The following DLG2 variants were observed in gnomAD, a reference collection of about 807,000 sequenced individuals.
The protein encoded by DLG2 is disks large homolog 2.
In DLG2, 45 loss-of-function variants were observed where a neutral mutation model predicts 132.5. The observed-to-expected ratio is 0.34, with a 90% CI of 0.27 to 0.44. The LOEUF (loss-of-function observed/expected upper bound fraction) is 0.44. Ranked by LOEUF, DLG2 falls within the 20% of genes least tolerant of loss-of-function variation. DLG2 has a pLI of 1.00. For synonymous variants in DLG2, 424 were observed against 419.6 expected (o/e 1.01, Z -0.13); for missense variants, 1,045 against 1,196.9 (o/e 0.87, Z 1.87).
chr11:85,400,838 C>T (rs933930823), intron 3 of DLG2, among the ~76,000 whole-genome samples: 28 of 150,518 alleles, frequency 1.9e-4, no homozygotes, highest in Admixed American at 4.0e-4. Context: ...TGCTAAATGA[C>T]GAGTTAATGA....
rs79505271 is a variant in DLG2 at position 84,895,764 on chromosome 11, A to T, written c.357+215897T>A. 7.2e-3 allele frequency among the ~76,000 whole-genome samples: 1,091 copies of T among 152,252 alleles called. 15 individuals carry two copies. Among genetic ancestry groups the T allele is most frequent in the African/African-American group, 0.025 (1,049 of 41,558 alleles). ...TTGACTAATGTGAAGTTATAGTTTGAATAAGTATTTTGGTCATGTATCAAG... is the reference window on the plus strand; with the variant it reads ...TTGACTAATGTGAAGTTATAGTTTGTATAAGTATTTTGGTCATGTATCAAG... On this transcript the variant is annotated intron_variant, in intron 6 of 27. Coordinates refer to ENST00000376104, the MANE Select transcript of DLG2 (RefSeq NM_001142699.3).
chr11:85,377,803 A>ATATATGTG (rs35141583), intron 3 of DLG2, among the ~76,000 whole-genome samples: 4,403 of 131,224 alleles, frequency 0.034, 101 homozygotes, highest in Middle Eastern at 0.09. Flanking sequence ...ATATATATAT[A>ATATATGTG]TGTGTGTGTG....
chr11:85,420,790 C>G (rs567400912), intron 3 of DLG2, among the ~76,000 whole-genome samples: 115 of 152,282 alleles, frequency 7.6e-4, no homozygotes, highest in African/African-American at 2.5e-3. Context: ...CTCCCCCCAC[C>G]AAGCTCGAGC....
chr11:84,488,781 T>C (rs1254504941), intron 7 of DLG2, among the ~76,000 whole-genome samples: 1 of 152,146 alleles, frequency 6.6e-6, no homozygotes, highest in Non-Finnish European at 1.5e-5. Context: ...TCAAAAGACC[T>C]GGTAAAACTA....
intron 3 of DLG2, among the ~76,000 whole-genome samples, chr11:85,303,780 A>C (rs1195587210): frequency 6.6e-6 from 1 of 152,212 alleles, no homozygotes; most frequent in Admixed American, 6.5e-5. Context: ...CTCTGACCCC[A>C]GTTCCCTCAT....
intron 6 of DLG2, among the ~76,000 whole-genome samples, chr11:84,752,639 A>G (rs2066300163): frequency 6.8e-6 from 1 of 146,160 alleles, no homozygotes; most frequent in African/African-American, 2.6e-5. Context: ...ACATATGTAT[A>G]CATGTGCCAT....
intron 3 of DLG2, among the ~76,000 whole-genome samples, chr11:85,356,233 A>G (rs1466296359): frequency 6.6e-6 from 1 of 152,132 alleles, no homozygotes; most frequent in Non-Finnish European, 1.5e-5. Context: ...TAGTAATTCC[A>G]TATTCTTTTT....
At chr11:84,634,639 G>A (rs897376748) in intron 6 of DLG2, among the ~76,000 whole-genome samples, 20 of 152,158 alleles carry the variant, frequency 1.3e-4, no homozygotes, top group African/African-American at 9.7e-5. Context: ...ATTCTGGTTC[G>A]AGGGACTGTT....
chr11:84,327,468 T>C (rs1437569593), intron 7 of DLG2, among the ~76,000 whole-genome samples: 2 of 152,198 alleles, frequency 1.3e-5, no homozygotes, highest in African/African-American at 2.4e-5. Context: ...AATTATATAT[T>C]GATAAGGAAG....
At chr11:84,259,922 C>A (rs1047149608) in intron 7 of DLG2, among the ~76,000 whole-genome samples, 2 of 152,082 alleles carry the variant, frequency 1.3e-5, no homozygotes, top group African/African-American at 4.8e-5. Context: ...GCTTCTGCAC[C>A]CTATTAAGAT....
In DLG2 at chr11:85,233,754, T is replaced by C. The variant is rs74536758; in HGVS notation, c.186+51466A>G. Among the ~76,000 whole-genome samples the C allele has an allele frequency of 6.5e-3, 988 of 151,416 alleles. 59 individuals carry two copies. The East Asian group carries it at 0.14, about 22-fold the overall frequency. Reference sequence around the variant, plus strand: ...AGTTTTTCAAGATTGCTGCATCAGATTTTGGACCTTTCCTTTTCTGGTGGT... The same window carrying C: ...AGTTTTTCAAGATTGCTGCATCAGACTTTGGACCTTTCCTTTTCTGGTGGT... On this transcript the variant is annotated intron_variant, in intron 4 of 27. Transcript: ENST00000376104.
Position 83,725,024 on chromosome 11 carries a change from G to A in DLG2, c.1825+61666C>T, listed in dbSNP as rs1348428990. The A allele has an allele frequency of 1.1e-5, 7 of 640,218 alleles. No homozygotes were observed. In the Middle Eastern group the frequency reaches 9.8e-4, roughly 89 times the overall value. The allele number at this position is 640,218 out of a possible 1,614,324, so 39.7% of individuals were successfully genotyped here. A position where few individuals can be genotyped will look rare whatever the true frequency, so the allele number is the denominator to read the frequency against. On this transcript the variant is annotated intron_variant, in intron 18 of 27. Coordinates refer to ENST00000376104, the MANE Select transcript of DLG2 (RefSeq NM_001142699.3). ...GTGGCCAAAGCCTGTTAGGAGTGAA[G>A]CAGGTAGGGCTACCTTCCCAGGCTA... is the stretch of plus-strand genomic sequence containing the variant.
rs117233542 is a variant in DLG2 at position 84,955,130 on chromosome 11, C to T, written c.357+156531G>A. 9.9e-5 allele frequency among the ~76,000 whole-genome samples: 15 copies of T among 152,236 alleles called. No individual in the cohort carries two copies. The East Asian group carries it at 2.9e-3, about 29-fold the overall frequency. The stretch of plus-strand genomic sequence containing the variant: ...GGCCTATGGACTGTAGCTTGCAGAC[C>T]TCTGTTCTAGATTATACTCCTTGAG... On this transcript the variant is annotated intron_variant, in intron 6 of 27. Coordinates refer to ENST00000376104, the MANE Select transcript of DLG2 (RefSeq NM_001142699.3).
intron 21 of DLG2, among the ~76,000 whole-genome samples, chr11:83,496,441 A>C (rs1453166119): frequency 6.6e-6 from 1 of 152,144 alleles, no homozygotes; most frequent in Non-Finnish European, 1.5e-5. Context: ...CTAATGTATG[A>C]CTTAGAAATT....
In DLG2 at chr11:83,666,105, G is replaced by GT. The variant is rs577995079; in HGVS notation, c.1826-32781dup. 2.6e-5 allele frequency among the ~76,000 whole-genome samples: 4 copies of GT among 152,168 alleles called. No individual in the cohort carries two copies. In the South Asian group the frequency reaches 8.3e-4, roughly 32 times the overall value. ...GCTAGATATATCTCATTATTCAATA[G>GT]TTTTTTATACAGAACTATTTTCATT... On this transcript the variant is annotated intron_variant, in intron 18 of 27. Coordinates refer to ENST00000376104, the MANE Select transcript of DLG2 (RefSeq NM_001142699.3).
At chr11:83,953,171 A>C (rs1359040021) in intron 14 of DLG2, among the ~76,000 whole-genome samples, 1 of 152,224 alleles carries the variant, frequency 6.6e-6, no homozygotes, top group Non-Finnish European at 1.5e-5. Flanking sequence ...CAATGATTGT[A>C]TCTCACAATT....
chr11:83,483,374 T>G (rs1232461524), intron 22 of DLG2: 17 of 1,078,090 alleles, frequency 1.6e-5, no homozygotes, highest in Non-Finnish European at 2.5e-5. Context: ...GTCAGTGGAG[T>G]TGAAATGAAT....
At chr11:85,572,075 G>A (rs905940511) in intron 3 of DLG2, among the ~76,000 whole-genome samples, 1 of 152,084 alleles carries the variant, frequency 6.6e-6, no homozygotes, top group African/African-American at 2.4e-5. Flanking sequence ...TTGACAAAGT[G>A]CTCTTCTAAT....
In DLG2 at chr11:84,908,410, CAT is replaced by C. The variant is rs1248308223; in HGVS notation, c.357+203249_357+203250del. On this transcript the variant is annotated intron_variant, in intron 6 of 27. Coordinates refer to ENST00000376104, the MANE Select transcript of DLG2 (RefSeq NM_001142699.3). ...CAATACCTCAAGTGCTCAACAGCCA[CAT>C]GTGTCCAGTCGTTACTCTATCAGAC... Among the ~76,000 whole-genome samples the C allele has an allele frequency of 2.6e-5, 4 of 152,250 alleles. No homozygotes were observed. The East Asian group carries it at 7.7e-4, about 29-fold the overall frequency.
Sources: allele counts gnomAD v4.1 joint callset (sites outside exome capture counted in the v4.1 genomes callset), GRCh38; gene constraint gnomAD v4.1.1; transcripts MANE v1.5; gene names NCBI Gene and HGNC (gene_info 2026-07-23, HGNC 2026-07-21).